ZNF853: variants seen among roughly 807,000 people sequenced by gnomAD.
ZNF853 encodes zinc finger protein 853.
ZNF853 carries 57 observed loss-of-function variants against 94.7 expected under a neutral mutation model. That is an observed-to-expected ratio of 0.60 (90% CI 0.49 to 0.75). The LOEUF (loss-of-function observed/expected upper bound fraction) is 0.75, where lower values mean the gene tolerates loss of function less well. Ranked by LOEUF, ZNF853 falls within the 30% of genes least tolerant of loss-of-function variation. The pLI, the probability that ZNF853 is intolerant of heterozygous loss-of-function variation, is 0.00. For missense variants in ZNF853, 785 were observed against 868.9 expected (o/e 0.90, Z 1.21); for synonymous variants, 448 against 406.3 (o/e 1.10, Z -1.23).
rs1239174903 is a variant in ZNF853, at chr7:6,622,568, C to T, written c.1577C>T (p.Ser526Leu). The change falls in exon 3 of 3, where the codon TCG becomes TTG. Residue 526 changes from serine (S) to leucine (L), a missense_variant. Transcript: ENST00000457543. ...GECGKGFSQHSNLVTHQRIHT... is the reference protein window; with the variant it reads ...GECGKGFSQHLNLVTHQRIHT... Reference sequence around the variant, plus strand: ...TGCGGCAAGGGCTTCTCGCAGCACTCGAATCTGGTGACGCACCAACGCATC... The same window carrying T: ...TGCGGCAAGGGCTTCTCGCAGCACTTGAATCTGGTGACGCACCAACGCATC... The T allele has an allele frequency of 8.9e-6, 14 of 1,566,090 alleles. No individual in the cohort carries two copies. Among genetic ancestry groups the T allele is most frequent in the Non-Finnish European group, 1.2e-5 (14 of 1,156,608 alleles).
Position 6,621,598 on chromosome 7 carries a change from C to G in ZNF853, c.607C>G (p.Leu203Val), listed in dbSNP as rs58107700. The G allele has an allele frequency of 2.3e-3, 3,550 of 1,551,436 alleles. 77 individuals are homozygous for G. The African/African-American group carries it at 0.044, about 19-fold the overall frequency. Residue 203 changes from leucine (L) to valine (V), a missense_variant, in exon 3 of 3, where the codon CTG becomes GTG. Physicochemically the swap from Leu to Val is conservative, Grantham distance 32. Coordinates refer to ENST00000457543, the MANE Select transcript of ZNF853 (RefSeq NM_017560.3). The part of the protein sequence containing the change: ...QLQQQVQEQQ[L>V]LQQQQEQLQQ... ...ACAGCAGCAAGTGCAAGAGCAACAG[C>G]TGTTACAGCAACAGCAGGAACAGTT...
intron 2 of ZNF853, among the ~76,000 whole-genome samples, chr7:6,618,016 C>G: frequency 2.6e-4 from 40 of 152,032 alleles, no homozygotes; most frequent in African/African-American, 9.2e-4. Context: ...AAGGACCGTT[C>G]TGACCGAGCA....
chr7:6,618,730 A>C, intron 2 of ZNF853, among the ~76,000 whole-genome samples: 2 of 152,096 alleles, frequency 1.3e-5, no homozygotes, highest in South Asian at 4.1e-4. Flanking sequence ...AACAAACAAA[A>C]ACTGAAATTG....
chr7:6,622,456 G>C lies in ZNF853; in HGVS notation c.1465G>C (p.Glu489Gln), dbSNP rs1366768349. ...RARDRPTICGECGKGFSRSTD... is the reference protein window; with the variant it reads ...RARDRPTICGQCGKGFSRSTD... ...TCGGGACCGGCCGACCATCTGCGGG[G>C]AGTGCGGCAAGGGCTTCAGCCGCAG... The change falls in exon 3 of 3, where the codon GAG (glutamate) becomes CAG (glutamine). Residue 489 changes from glutamate (E) to glutamine (Q), a missense_variant. Glu to Gln is a conservative substitution (Grantham distance 29, BLOSUM62 2). Transcript: ENST00000457543. The C allele has an allele frequency of 1.5e-5, 22 of 1,516,208 alleles. No individual in the cohort carries two copies. Among genetic ancestry groups the C allele is most frequent in the Non-Finnish European group, 1.9e-5 (22 of 1,135,590 alleles). 93.9% of individuals were successfully genotyped at this position (1,516,208 alleles called of 1,614,324 possible).
chr7:6,619,325 G>A, intron 2 of ZNF853, among the ~76,000 whole-genome samples: 1 of 152,086 alleles, frequency 6.6e-6, no homozygotes, highest in Admixed American at 6.6e-5. Context: ...GGGCTGGAGT[G>A]CACTGGCGTG....
Position 6,616,007 on chromosome 7 carries a change from G to A in ZNF853, c.-168G>A. 1 of 598,920 alleles carries A rather than the reference G, an allele frequency of 1.7e-6. No homozygotes were observed. The highest frequency in any genetic ancestry group is 2.0e-5 in the South Asian group (1 of 50,138). 37.1% of individuals were successfully genotyped at this position (598,920 alleles called of 1,614,324 possible). On this transcript the variant is annotated 5_prime_UTR_variant, in exon 1 of 3. Coordinates refer to ENST00000457543, the MANE Select transcript of ZNF853 (RefSeq NM_017560.3). ...CCAGGGCGACCTCGGCAGCCCAGAGGGCGTGGACCCTCCGGAGTGCCCAGA... is the reference window on the plus strand; with the variant it reads ...CCAGGGCGACCTCGGCAGCCCAGAGAGCGTGGACCCTCCGGAGTGCCCAGA...
rs1362239855 is a variant in ZNF853 at position 6,622,764 on chromosome 7, C to T, written c.1773C>T (p.His591=). The T allele has an allele frequency of 6.5e-7, 1 of 1,546,474 alleles. No homozygotes were observed. The highest frequency in any genetic ancestry group is 8.7e-7 in the Non-Finnish European group (1 of 1,148,968). ...ACCTGCTGCGCCACCGGCGCACGCA[C>T]TCGGGCGAGCGGCCCTACGTGTGCG... is the stretch of plus-strand genomic sequence containing the variant. The part of the protein sequence containing the change: ...SSNLLRHRRT[H]SGERPYVCED... The change falls in exon 3 of 3, where the codon CAC becomes CAT. Residue 591 remains histidine (H), a synonymous_variant. Coordinates refer to ENST00000457543, the MANE Select transcript of ZNF853 (RefSeq NM_017560.3).
In ZNF853 at chr7:6,621,586, C is replaced by G; in HGVS notation, c.595C>G (p.Gln199Glu). 1 of 1,551,710 alleles carries G rather than the reference C, an allele frequency of 6.4e-7. No homozygotes were observed. Among genetic ancestry groups the G allele is most frequent in the Non-Finnish European group, 8.7e-7 (1 of 1,146,966 alleles). Residue 199 changes from glutamine (Q) to glutamate (E), a missense_variant, in exon 3 of 3, where the codon CAA becomes GAA. Transcript: ENST00000457543. Reference protein sequence around the residue: ...QQQEQLQQQVQEQQLLQQQQE... With the variant: ...QQQEQLQQQVEEQQLLQQQQE... ...GCAGGAACAGCTACAGCAGCAAGTGCAAGAGCAACAGCTGTTACAGCAACA... is the reference window on the plus strand; with the variant it reads ...GCAGGAACAGCTACAGCAGCAAGTGGAAGAGCAACAGCTGTTACAGCAACA...
rs1285265574 is a variant in ZNF853 at position 6,623,231 on chromosome 7, C to G, written c.*260C>G. The G allele has an allele frequency of 2.2e-5, 9 of 403,936 alleles. No homozygotes were observed. The East Asian group carries it at 2.8e-4, about 13-fold the overall frequency. 25.0% of individuals were successfully genotyped at this position (403,936 alleles called of 1,614,324 possible). ...AGCACACGGGACACGTTTGTCTGCC[C>G]TTTGAGGGGTCTGCCAAAGGTTTTC... On this transcript the variant is annotated 3_prime_UTR_variant, in exon 3 of 3. Transcript: ENST00000457543.
intron 2 of ZNF853, among the ~76,000 whole-genome samples, chr7:6,620,106 G>A: frequency 4.6e-5 from 7 of 152,152 alleles, no homozygotes; most frequent in Non-Finnish European, 1.0e-4. Context: ...GTATCACTGA[G>A]CTATTTTGTA....
Position 6,622,004 on chromosome 7 carries a change from A to AGCG in ZNF853, c.1016_1018dup (p.Arg339dup). 6.5e-7 allele frequency: 1 copy of AGCG among 1,550,128 alleles called. No individual in the cohort carries two copies. Among genetic ancestry groups the AGCG allele is most frequent in the Non-Finnish European group, 8.7e-7 (1 of 1,146,830 alleles). Reference sequence around the variant, plus strand: ...GGGTCAGAGCAGGAGCTGGAGCAGCAGCGGCAGGAGTTGGAGCGGCAGCAG... The same window carrying AGCG: ...GGGTCAGAGCAGGAGCTGGAGCAGCAGCGGCGGCAGGAGTTGGAGCGGCAGCAG... On this transcript the variant is annotated inframe_insertion, in exon 3 of 3. Transcript: ENST00000457543.
Position 6,622,207 on chromosome 7 carries a change from C to T in ZNF853, c.1216C>T (p.Pro406Ser), listed in dbSNP as rs1782636577. The T allele has an allele frequency of 6.5e-7, 1 of 1,536,848 alleles. No homozygotes were observed. The highest frequency in any genetic ancestry group is 8.7e-7 in the Non-Finnish European group (1 of 1,145,598). ...GCAGGAGGTGCAGCTGGAGCTGACC[C>T]CCGTGCAGCCGGAGCTGCAGCTGGA... ...QQQEVQLELT[P>S]VQPELQLELV... Residue 406 changes from proline (P) to serine (S), a missense_variant, in exon 3 of 3, where the codon CCC (proline) becomes TCC (serine). By Grantham distance (74) the Pro-to-Ser change is moderately conservative. Coordinates refer to ENST00000457543, the MANE Select transcript of ZNF853 (RefSeq NM_017560.3).
At position 6,615,629 on chromosome 7, in the gene ZNF853, G is replaced by C. The variant is rs1279534673; in HGVS notation, c.-546G>C. The C allele has an allele frequency of 1.4e-5, 2 of 144,930 alleles. No individual in the cohort carries two copies. Among genetic ancestry groups the C allele is most frequent in the Non-Finnish European group, 3.1e-5 (2 of 65,170 alleles). The allele number at this position is 144,930 out of a possible 1,614,324, so 9.0% of individuals were successfully genotyped here. A position where few individuals can be genotyped will look rare whatever the true frequency, so the allele number is the denominator to read the frequency against. ...GCCCCCGCCCCCGGCCCGGCCAGCGGCCCGCACGGACGCACTCCCGGGCGG... is the reference window on the plus strand; with the variant it reads ...GCCCCCGCCCCCGGCCCGGCCAGCGCCCCGCACGGACGCACTCCCGGGCGG... On this transcript the variant is annotated 5_prime_UTR_variant, in exon 1 of 3. Transcript: ENST00000457543. The surrounding 1 kb of genome is among the most constrained non-coding windows in gnomAD (Gnocchi z 8.5).
At chr7:6,617,422 T>C in intron 2 of ZNF853, 115 bp downstream of exon 2, 24 of 949,382 alleles carry the variant, frequency 2.5e-5, no homozygotes, top group Admixed American at 3.3e-5. Flanking sequence ...CTCAGCTGCA[T>C]TGAGTAACAC....
At position 6,624,107 on chromosome 7, in the gene ZNF853, A is replaced by C. The variant is rs1327476586; in HGVS notation, c.*1136A>C. ...CTTGTGGGAAGGTGGGGCAGGGAGG[A>C]GGCTGCCCGCCACCTCTGCCCCCAG... is the stretch of plus-strand genomic sequence containing the variant. On this transcript the variant is annotated 3_prime_UTR_variant, in exon 3 of 3. Coordinates refer to ENST00000457543, the MANE Select transcript of ZNF853 (RefSeq NM_017560.3). 1 of 152,080 alleles carries C rather than the reference A, an allele frequency of 6.6e-6. No individual in the cohort carries two copies. Among genetic ancestry groups the C allele is most frequent in the Non-Finnish European group, 1.5e-5 (1 of 68,018 alleles). 9.4% of individuals were successfully genotyped at this position (152,080 alleles called of 1,614,324 possible).
chr7:6,617,525 G>A, intron 2 of ZNF853: 10 of 923,868 alleles, frequency 1.1e-5, no homozygotes, highest in Non-Finnish European at 1.2e-5. Flanking sequence ...CATGGGTGCT[G>A]ACTGGACTTA....
Position 6,616,118 on chromosome 7 carries a change from C to A in ZNF853, c.-57C>A. 1 of 1,525,832 alleles carries A rather than the reference C, an allele frequency of 6.6e-7. No individual in the cohort carries two copies. The allele number at this position is 1,525,832 out of a possible 1,614,324, so 94.5% of individuals were successfully genotyped here. The stretch of plus-strand genomic sequence containing the variant: ...AGCCGGCTGCACGCCGTGGCCTTCA[C>A]CTCGCAGCCTCTGCTGACCACACCT... On this transcript the variant is annotated 5_prime_UTR_variant, in exon 1 of 3. Transcript: ENST00000457543.
In ZNF853 at chr7:6,621,345, G is replaced by A. The variant is rs1275341731; in HGVS notation, c.354G>A (p.Leu118=). The stretch of plus-strand genomic sequence containing the variant: ...AACAGCCGCAGCCACACCTAGAACT[G>A]CAACAGCAGCCGCAGCAAGATGGGC... ...QLQQPQPHLE[L]QQQPQQDGQQ... Residue 118 remains leucine, a synonymous_variant, in exon 3 of 3, where the codon CTG becomes CTA. Coordinates refer to ENST00000457543, the MANE Select transcript of ZNF853 (RefSeq NM_017560.3). 6.4e-7 allele frequency: 1 copy of A among 1,551,686 alleles called. No homozygotes were observed. The highest frequency in any genetic ancestry group is 1.2e-5 in the South Asian group (1 of 84,064).
At chr7:6,621,041 G>GT in intron 2 of ZNF853, 81 bp from the exon 3 acceptor site, 1 of 1,436,042 alleles carries the variant, frequency 7.0e-7, no homozygotes, top group Non-Finnish European at 9.2e-7. Flanking sequence ...TGAGGGCAGG[G>GT]TAAGGGGCAG....
Sources: allele counts gnomAD v4.1 joint callset (sites outside exome capture counted in the v4.1 genomes callset), GRCh38; gene constraint gnomAD v4.1.1; non-coding constraint Gnocchi (gnomAD v3.1); transcripts MANE v1.5; gene names NCBI Gene and HGNC (gene_info 2026-07-23, HGNC 2026-07-21).